Variants in PDSS2 observed in about 807,000 individuals in gnomAD.
PDSS2 encodes the protein all trans-polyprenyl-diphosphate synthase PDSS2.
In PDSS2, 31 loss-of-function variants were observed where a neutral mutation model predicts 44.5. The ratio of observed to expected loss-of-function variants is 0.70; its 90% CI spans 0.52 to 0.94. PDSS2 has a LOEUF of 0.94. PDSS2 is among the 40% of genes least tolerant of loss of function. The probability of loss-of-function intolerance (pLI) is 0.00; values close to 1 mark genes in which losing one functional copy is unlikely to be tolerated. For missense variants in PDSS2, 452 were observed against 482.2 expected, an observed-to-expected ratio of 0.94 and a Z score of 0.59; for synonymous variants, 157 against 180.3, an observed-to-expected ratio of 0.87 and a Z score of 1.03.
intron 2 of PDSS2, among the ~76,000 whole-genome samples, chr6:107,291,555 G>A (rs1307276299): frequency 5.3e-5 from 8 of 149,806 alleles, no homozygotes; most frequent in Non-Finnish European, 1.2e-4. Flanking sequence ...TAGAGACGGG[G>A]GGGTCTCACT....
At chr6:107,448,248 C>T (rs1781752408) in intron 1 of PDSS2, among the ~76,000 whole-genome samples, 1 of 152,236 alleles carries the variant, frequency 6.6e-6, no homozygotes, top group Admixed American at 6.5e-5. Context: ...CAAATTTGTG[C>T]AGCCAGCTTG....
chr6:107,425,956 G>A (rs1389586611), intron 1 of PDSS2, among the ~76,000 whole-genome samples: 4 of 146,536 alleles, frequency 2.7e-5, no homozygotes, highest in African/African-American at 5.1e-5. Context: ...GCGAGACTTC[G>A]TCTCGAAAAA....
chr6:107,294,686 G>A (rs944693417), intron 2 of PDSS2, among the ~76,000 whole-genome samples: 1 of 152,062 alleles, frequency 6.6e-6, no homozygotes, highest in Admixed American at 6.5e-5. Flanking sequence ...TCTTCACCAA[G>A]TATAGTTATT....
At chr6:107,206,088 G>A (rs1005778887) in intron 6 of PDSS2, among the ~76,000 whole-genome samples, 9 of 151,734 alleles carry the variant, frequency 5.9e-5, no homozygotes, top group Non-Finnish European at 8.8e-5. Flanking sequence ...CTTTTTTTGC[G>A]GGGGACAGAA....
chr6:107,354,623 G>A (rs1778538324), intron 1 of PDSS2, among the ~76,000 whole-genome samples: 1 of 152,180 alleles, frequency 6.6e-6, no homozygotes, highest in Non-Finnish European at 1.5e-5. Context: ...GTGAAGCAGC[G>A]ACCCTGTATC....
chr6:107,287,324 C>A (rs1381361503), intron 2 of PDSS2, among the ~76,000 whole-genome samples: 1 of 152,174 alleles, frequency 6.6e-6, no homozygotes. Flanking sequence ...TTCGCTTGAA[C>A]AGCCTGACCC....
intron 1 of PDSS2, among the ~76,000 whole-genome samples, chr6:107,349,284 T>C (rs1778356267): frequency 6.6e-6 from 1 of 151,754 alleles, no homozygotes; most frequent in Non-Finnish European, 1.5e-5. Flanking sequence ...TACAAAAAAA[T>C]TAGCTGGGCG....
chr6:107,166,477 G>A (rs1771354765), intron 7 of PDSS2, among the ~76,000 whole-genome samples: 1 of 147,890 alleles, frequency 6.8e-6, no homozygotes, highest in African/African-American at 2.5e-5. Flanking sequence ...CCATTCTCCT[G>A]CCTCAGTCTC....
At chr6:107,376,685 A>G (rs1349002837) in intron 1 of PDSS2, among the ~76,000 whole-genome samples, 5 of 152,034 alleles carry the variant, frequency 3.3e-5, no homozygotes, top group Non-Finnish European at 7.4e-5. Context: ...TTCTAGATAT[A>G]CAATCATGTC....
chr6:107,205,385 A>G (rs1772937438), intron 6 of PDSS2, among the ~76,000 whole-genome samples: 1 of 152,236 alleles, frequency 6.6e-6, no homozygotes, highest in South Asian at 2.1e-4. Flanking sequence ...GATCATTAAA[A>G]ATAAAGCTTG....
chr6:107,238,373 T>C (rs1774300681), intron 4 of PDSS2, among the ~76,000 whole-genome samples: 1 of 152,196 alleles, frequency 6.6e-6, no homozygotes, highest in African/African-American at 2.4e-5. Flanking sequence ...TTACTCAGCA[T>C]ATAGTCAAAT....
At chr6:107,438,948 T>C (rs1781435740) in intron 1 of PDSS2, among the ~76,000 whole-genome samples, 1 of 152,198 alleles carries the variant, frequency 6.6e-6, no homozygotes, top group African/African-American at 2.4e-5. Context: ...AATGACTCCC[T>C]GGTTCAGAAG....
At chr6:107,364,234 C>T (rs902240544) in intron 1 of PDSS2, among the ~76,000 whole-genome samples, 1 of 152,190 alleles carries the variant, frequency 6.6e-6, no homozygotes, top group Non-Finnish European at 1.5e-5. Context: ...AGTCCTGCGC[C>T]GTGCGCTCGC....
chr6:107,236,110 A>G (rs1429242788), intron 4 of PDSS2, among the ~76,000 whole-genome samples: 7 of 152,228 alleles, frequency 4.6e-5, no homozygotes, highest in Non-Finnish European at 1.5e-5. Flanking sequence ...GAAACATGAA[A>G]AAAAGAACAT....
At chr6:107,192,540 G>A (rs1029640398) in intron 7 of PDSS2, 5 of 314,192 alleles carry the variant, frequency 1.6e-5, no homozygotes, top group South Asian at 3.0e-5. Context: ...ACACCCTACC[G>A]CAAATGGCCC....
chr6:107,397,322 A>C (rs1185711591), intron 1 of PDSS2, among the ~76,000 whole-genome samples: 2 of 152,190 alleles, frequency 1.3e-5, no homozygotes, highest in Admixed American at 1.3e-4. Context: ...TTGGAGACTT[A>C]ACATGAATCA....
chr6:107,164,993 TC>T (rs1446977422), intron 7 of PDSS2, among the ~76,000 whole-genome samples: 1 of 152,218 alleles, frequency 6.6e-6, no homozygotes, highest in Non-Finnish European at 1.5e-5. Flanking sequence ...TTCATATCCT[TC>T]GCCCACTTTT....
chr6:107,425,326 AAGAC>A (rs1198117051), intron 1 of PDSS2, among the ~76,000 whole-genome samples: 1 of 152,184 alleles, frequency 6.6e-6, no homozygotes, highest in Non-Finnish European at 1.5e-5. Context: ...GGCTCAGAAG[AAGAC>A]AGGAAAATGT....
intron 1 of PDSS2, among the ~76,000 whole-genome samples, chr6:107,435,130 T>C (rs1401841567): frequency 1.3e-5 from 2 of 151,964 alleles, no homozygotes; most frequent in East Asian, 3.9e-4. Flanking sequence ...AATTAATCTA[T>C]TAGCCCAGTG....
Sources: gnomAD v4.1 joint callset for allele counts (sites outside exome capture counted in the v4.1 genomes callset) on GRCh38, gnomAD v4.1.1 for gene constraint, MANE v1.5 for transcripts, NCBI Gene and HGNC (gene_info 2026-07-23, HGNC 2026-07-21) for gene names.